EML5: variants seen among roughly 807,000 people sequenced by gnomAD.
The protein encoded by EML5 is EMAP like 5.
A neutral mutation model predicts 250.0 loss-of-function variants in EML5; 120 were observed. The ratio of observed to expected loss-of-function variants is 0.48; its 90% CI spans 0.41 to 0.56. The LOEUF (loss-of-function observed/expected upper bound fraction) is 0.56, where lower values mean the gene tolerates loss of function less well. EML5 is among the 20% of genes least tolerant of loss of function. The pLI is 0.00. For synonymous variants in EML5, 771 were observed against 806.5 expected, an observed-to-expected ratio of 0.96 and a Z score of 0.75; for missense variants, 2,006 against 2,437.6, an observed-to-expected ratio of 0.82 and a Z score of 3.73.
At chr14:88,722,713 T>C (rs1208919767) in intron 8 of EML5, among the ~76,000 whole-genome samples, 1 of 152,012 alleles carries the variant, frequency 6.6e-6, no homozygotes, top group African/African-American at 2.4e-5. Flanking sequence ...GCTAAGCTTG[T>C]GGGAATTATT....
chr14:88,698,932 A>G (rs895347591), intron 14 of EML5, among the ~76,000 whole-genome samples: 1 of 152,224 alleles, frequency 6.6e-6, no homozygotes, highest in African/African-American at 2.4e-5. Context: ...AACAGATAAC[A>G]TCCTTATTTT....
chr14:88,644,514 G>GC lies in EML5; in HGVS notation c.4029-4dup. 1 of 1,613,558 alleles carries GC rather than the reference G, an allele frequency of 6.2e-7. No individual in the cohort carries two copies. Among genetic ancestry groups the GC allele is most frequent in the South Asian group, 1.1e-5 (1 of 91,054 alleles). On this transcript the variant is annotated splice_region_variant and splice_polypyrimidine_tract_variant and intron_variant, in intron 29 of 43. Coordinates refer to ENST00000554922, the MANE Select transcript of EML5 (RefSeq NM_183387.3). ...GTGGGGCCCTGCTCACTGGAGGCCT[G>GC]CAACAGAGAAGTGGGGAGGAGGAAA...
intron 20 of EML5, among the ~76,000 whole-genome samples, chr14:88,682,850 C>T (rs1057460953): frequency 1.1e-4 from 16 of 152,172 alleles, no homozygotes; most frequent in Admixed American, 2.0e-4. Flanking sequence ...ACTACTGTCC[C>T]CTCTCCCCTT....
At chr14:88,633,183 G>GA (rs1167623192) in intron 33 of EML5, among the ~76,000 whole-genome samples, 1 of 152,050 alleles carries the variant, frequency 6.6e-6, no homozygotes, top group African/African-American at 2.4e-5. Flanking sequence ...TACCACCTCT[G>GA]AAAAAACAAA....
intron 1 of EML5, among the ~76,000 whole-genome samples, chr14:88,765,572 C>A (rs1259772898): frequency 2.0e-5 from 3 of 152,118 alleles, no homozygotes; most frequent in African/African-American, 7.2e-5. Flanking sequence ...AGACTGGGCC[C>A]ATCTAGATAA....
chr14:88,767,746 C>T (rs536284490), intron 1 of EML5, among the ~76,000 whole-genome samples: 58 of 152,078 alleles, frequency 3.8e-4, no homozygotes, highest in African/African-American at 1.3e-3. Context: ...AAAAATGTTA[C>T]GAAATAGTAC....
At chr14:88,659,378 T>G (rs1312725381) in intron 25 of EML5, among the ~76,000 whole-genome samples, 1 of 152,040 alleles carries the variant, frequency 6.6e-6, no homozygotes, top group Non-Finnish European at 1.5e-5. Context: ...GCCCAGCTAA[T>G]TTTTTCTGTT....
intron 33 of EML5, among the ~76,000 whole-genome samples, chr14:88,633,252 A>G (rs1027229964): frequency 1.3e-5 from 2 of 152,110 alleles, no homozygotes; most frequent in East Asian, 3.9e-4. Flanking sequence ...TTGCCATCTC[A>G]TCTCAAATCA....
At chr14:88,787,280 C>T (rs1278972605) in intron 1 of EML5, among the ~76,000 whole-genome samples, 1 of 152,162 alleles carries the variant, frequency 6.6e-6, no homozygotes, top group African/African-American at 2.4e-5. Flanking sequence ...TATACATATG[C>T]TCATTGAGCA....
intron 36 of EML5, 63 bp from the exon 37 acceptor site, chr14:88,622,781 C>A: frequency 1.7e-6 from 2 of 1,154,566 alleles, no homozygotes; most frequent in East Asian, 2.7e-5. Context: ...TTATTATAAA[C>A]AAATACCAAG....
At chr14:88,787,522 T>G (rs2094563407) in intron 1 of EML5, among the ~76,000 whole-genome samples, 1 of 152,208 alleles carries the variant, frequency 6.6e-6, no homozygotes. Context: ...TAAATGTAAA[T>G]CTAATAATCT....
At chr14:88,690,767 G>C (rs974375665) in intron 17 of EML5, among the ~76,000 whole-genome samples, 2 of 152,206 alleles carry the variant, frequency 1.3e-5, no homozygotes, top group Non-Finnish European at 2.9e-5. Context: ...TGATACAGTA[G>C]AGAAAGGGTA....
At chr14:88,652,944 T>C (rs552642804) in intron 27 of EML5, among the ~76,000 whole-genome samples, 60 of 152,324 alleles carry the variant, frequency 3.9e-4, no homozygotes, top group African/African-American at 1.4e-3. Flanking sequence ...TGGAATGTTT[T>C]TCCATTTGTT....
intron 1 of EML5, among the ~76,000 whole-genome samples, chr14:88,790,156 T>C (rs1282844010): frequency 6.6e-6 from 1 of 152,308 alleles, no homozygotes; most frequent in East Asian, 1.9e-4. Flanking sequence ...AAATAAAATG[T>C]CCAGAGCCCT....
In EML5 at chr14:88,649,852, T is replaced by C. The variant is rs2091537042; in HGVS notation, c.4019+60A>G. The C allele has an allele frequency of 2.3e-6, 3 of 1,321,742 alleles. No homozygotes were observed. In the South Asian group the frequency reaches 4.3e-5, roughly 19 times the overall value. 81.9% of individuals were successfully genotyped at this position (1,321,742 alleles called of 1,614,324 possible). A position where few individuals can be genotyped will look rare whatever the true frequency, so the allele number is the denominator to read the frequency against. ...AGGGAAAAAATACCTTAAAATACCATAAAGAATAAAATAAAGGGTAAATTT... is the reference window on the plus strand; with the variant it reads ...AGGGAAAAAATACCTTAAAATACCACAAAGAATAAAATAAAGGGTAAATTT... On this transcript the variant is annotated intron_variant, in intron 28 of 43. Transcript: ENST00000554922.
intron 10 of EML5, among the ~76,000 whole-genome samples, chr14:88,711,936 C>A: frequency 6.9e-6 from 1 of 144,238 alleles, no homozygotes; most frequent in African/African-American, 2.7e-5. Context: ...GAGTGAGACC[C>A]TGTCTCAAAA....
Position 88,746,285 on chromosome 14 carries a change from T to C in EML5, c.358-2A>G, listed in dbSNP as rs1170301629. Reference sequence around the variant, plus strand: ...ATCAAGTCCAACTGAAACCAAGCGCTGATTTATGTCCAAGAAGTCCAGGAA... The same window carrying C: ...ATCAAGTCCAACTGAAACCAAGCGCCGATTTATGTCCAAGAAGTCCAGGAA... On this transcript the variant is annotated splice_acceptor_variant, in intron 2 of 43. Coordinates refer to ENST00000554922, the MANE Select transcript of EML5 (RefSeq NM_183387.3). LOFTEE classifies it high-confidence loss of function. 1 of 1,610,726 alleles carries C rather than the reference T, an allele frequency of 6.2e-7. No homozygotes were observed. Among genetic ancestry groups the C allele is most frequent in the East Asian group, 2.2e-5 (1 of 44,764 alleles).
Position 88,792,624 on chromosome 14 carries a change from G to C in EML5, c.-121C>G. ...ACTTCCCGCCAGCCGCGTCCTCTAA[G>C]CCGCGCCCGTCAGGTGCATCTCGTT... On this transcript the variant is annotated 5_prime_UTR_variant, in exon 1 of 44. Coordinates refer to ENST00000554922, the MANE Select transcript of EML5 (RefSeq NM_183387.3). This position sits in a 1 kb window ranked among gnomAD's most constrained non-coding sequence, Gnocchi z 6.9. 1 of 1,168,282 alleles carries C rather than the reference G, an allele frequency of 8.6e-7. No individual in the cohort carries two copies. The highest frequency in any genetic ancestry group is 4.7e-5 in the Admixed American group (1 of 21,280). The allele number at this position is 1,168,282 out of a possible 1,614,324, so 72.4% of individuals were successfully genotyped here.
chr14:88,790,483 A>T (rs1799249937), intron 1 of EML5, among the ~76,000 whole-genome samples: 1 of 152,256 alleles, frequency 6.6e-6, no homozygotes, highest in African/African-American at 2.4e-5. Flanking sequence ...GCTTCTAATT[A>T]CTGCTAGAAG....
Sources: allele counts gnomAD v4.1 joint callset (sites outside exome capture counted in the v4.1 genomes callset), GRCh38; gene constraint gnomAD v4.1.1; non-coding constraint Gnocchi (gnomAD v3.1); transcripts MANE v1.5; gene names NCBI Gene and HGNC (gene_info 2026-07-23, HGNC 2026-07-21).